The following OR7C1 variants were observed in gnomAD, a reference collection of about 807,000 sequenced individuals.
The protein encoded by OR7C1 is olfactory receptor family 7 subfamily C member 1.
For missense variants in OR7C1, 324 were observed against 383.3 expected (o/e 0.85, Z 1.29); for synonymous variants, 152 against 160.7 (o/e 0.95, Z 0.41).
intron 1 of OR7C1, among the ~76,000 whole-genome samples, chr19:14,813,629 T>C (rs2044702138): frequency 6.6e-6 from 1 of 151,998 alleles, no homozygotes; most frequent in Admixed American, 6.6e-5. Flanking sequence ...TCCTTATGAC[T>C]GGGGAGGCCT....
At chr19:14,830,293 T>C (rs2044818301) in intron 1 of OR7C1, among the ~76,000 whole-genome samples, 2 of 152,222 alleles carry the variant, frequency 1.3e-5, no homozygotes, top group South Asian at 4.1e-4. Flanking sequence ...TTTTCAGCCC[T>C]GTGTTTAAAG....
chr19:14,805,637 A>G (rs1274940119), intron 2 of OR7C1, among the ~76,000 whole-genome samples: 2 of 151,218 alleles, frequency 1.3e-5, no homozygotes, highest in African/African-American at 2.4e-5. Context: ...CTGGTCTCGA[A>G]CTCCTGACCT....
At chr19:14,812,182 A>G (rs1410615990) in intron 1 of OR7C1, among the ~76,000 whole-genome samples, 1 of 152,220 alleles carries the variant, frequency 6.6e-6, no homozygotes, top group Non-Finnish European at 1.5e-5. Context: ...GAAATATGCA[A>G]GGTCTCTTAG....
At chr19:14,800,198 A>G in intron 4 of OR7C1, 49 bp from the exon 5 acceptor site, 1 of 1,468,856 alleles carries the variant, frequency 6.8e-7, no homozygotes, top group Non-Finnish European at 9.1e-7. Context: ...CACACTGGCA[A>G]CATGGAAATT....
exon 5 of OR7C1, chr19:14,800,011 G>A (rs1336453849): frequency 3.7e-6 from 6 of 1,614,126 alleles, no homozygotes; most frequent in East Asian, 2.2e-5. Context: ...TGATGAGCAG[G>A]TTCCCGGTGA....
chr19:14,799,139 C>A (rs1008560804), exon 5 of OR7C1: 1 of 1,556,238 alleles, frequency 6.4e-7, no homozygotes, highest in Non-Finnish European at 8.7e-7. Flanking sequence ...TCAAGAACCA[C>A]CAAAAGTGCC....
intron 1 of OR7C1, among the ~76,000 whole-genome samples, chr19:14,812,771 A>T (rs1476765404): frequency 6.6e-6 from 1 of 152,052 alleles, no homozygotes; most frequent in Non-Finnish European, 1.5e-5. Context: ...GGCAAAAGTT[A>T]TCCTGGTGAT....
At chr19:14,818,263 T>C (rs1044325604) in intron 1 of OR7C1, among the ~76,000 whole-genome samples, 1 of 151,892 alleles carries the variant, frequency 6.6e-6, no homozygotes, top group African/African-American at 2.4e-5. Context: ...CGGCTAATTT[T>C]TTTGAATTTT....
intron 1 of OR7C1, among the ~76,000 whole-genome samples, chr19:14,822,011 C>T (rs868318777): frequency 3.3e-5 from 5 of 152,156 alleles, no homozygotes; most frequent in African/African-American, 4.8e-5. Context: ...CAGGTTCATC[C>T]GTGTGGTCAC....
intron 1 of OR7C1, among the ~76,000 whole-genome samples, chr19:14,832,812 A>G (rs2044846683): frequency 6.6e-6 from 1 of 152,208 alleles, no homozygotes; most frequent in Non-Finnish European, 1.5e-5. Context: ...GGAGAATAAA[A>G]CCAGGTTAAA....
chr19:14,830,685 A>G (rs2044823109), intron 1 of OR7C1, among the ~76,000 whole-genome samples: 2 of 152,224 alleles, frequency 1.3e-5, no homozygotes, highest in Admixed American at 1.3e-4. Context: ...TCCTTTTGGA[A>G]CTAGAAATAA....
intron 2 of OR7C1, among the ~76,000 whole-genome samples, chr19:14,807,052 T>C (rs778184541): frequency 6.6e-6 from 1 of 151,914 alleles, no homozygotes; most frequent in South Asian, 2.1e-4. Context: ...ATCTGTTATT[T>C]CTTAACTTTT....
chr19:14,831,172 A>T (rs1356578041), intron 1 of OR7C1, among the ~76,000 whole-genome samples: 1 of 152,208 alleles, frequency 6.6e-6, no homozygotes, highest in East Asian at 1.9e-4. Flanking sequence ...CATGACAAAA[A>T]CTAATGATAC....
At chr19:14,805,406 AT>A (rs33957500) in intron 2 of OR7C1, among the ~76,000 whole-genome samples, 3,073 of 98,024 alleles carry the variant, frequency 0.031, 96 homozygotes, top group African/African-American at 0.09. Context: ...CAGGAAAATA[AT>A]TTTTTTTTTT....
At chr19:14,821,519 T>C (rs1011648757) in intron 1 of OR7C1, 2 of 152,142 alleles carry the variant, frequency 1.3e-5, no homozygotes, top group African/African-American at 4.8e-5. Flanking sequence ...AAAACAAAAC[T>C]ATTCCGCCTT....
chr19:14,828,174 A>G lies in OR7C1; in HGVS notation c.-623+6900T>C, dbSNP rs199898657. ...GAACAGCCCAAAGAGGAAGGGTTGC[A>G]GTCCAGGTTCTTGTGAAAATCCCAG... On this transcript the variant is annotated intron_variant, in intron 1 of 4. Coordinates refer to ENST00000641666, the Ensembl canonical transcript of OR7C1. 470 of 1,614,004 alleles carry G rather than the reference A, an allele frequency of 2.9e-4. 5 individuals are homozygous for G. The highest frequency in any genetic ancestry group is 2.5e-4 in the South Asian group (23 of 91,054).
chr19:14,829,589 T>C (rs2044811221), intron 1 of OR7C1, among the ~76,000 whole-genome samples: 1 of 152,138 alleles, frequency 6.6e-6, no homozygotes, highest in African/African-American at 2.4e-5. Context: ...TGGGACATGG[T>C]GTCAGAGGAT....
chr19:14,821,588 G>C (rs1411634311), intron 1 of OR7C1: 1 of 152,210 alleles, frequency 6.6e-6, no homozygotes, highest in African/African-American at 2.4e-5. Context: ...TTTACATCAT[G>C]AGCCAGCATG....
intron 1 of OR7C1, among the ~76,000 whole-genome samples, chr19:14,816,263 C>A (rs781405911): frequency 3.9e-5 from 6 of 152,130 alleles, no homozygotes; most frequent in Non-Finnish European, 8.8e-5. Context: ...TACTGAGTGT[C>A]AACTTGATTA....
Sources: gnomAD v4.1 joint callset for allele counts (sites outside exome capture counted in the v4.1 genomes callset) on GRCh38, gnomAD v4.1.1 for gene constraint, MANE v1.5 for transcripts, NCBI Gene and HGNC (gene_info 2026-07-23, HGNC 2026-07-21) for gene names.